MBTPS1: variants seen among roughly 807,000 people sequenced by gnomAD.
The protein encoded by MBTPS1 is membrane-bound transcription factor site-1 protease.
MBTPS1 carries 94 observed loss-of-function variants against 127.8 expected under a neutral mutation model. The observed-to-expected ratio is 0.74, with a 90% CI of 0.62 to 0.87. The LOEUF (loss-of-function observed/expected upper bound fraction) is 0.87. MBTPS1 is among the 40% of genes least tolerant of loss of function. The pLI is 0.00. For missense variants in MBTPS1, 1,636 were observed against 1,353.2 expected, an observed-to-expected ratio of 1.21 and a Z score of -3.28; for synonymous variants, 632 against 509.4, an observed-to-expected ratio of 1.24 and a Z score of -3.24.
At chr16:84,074,812 G>A (rs189931726) in intron 11 of MBTPS1, 71 bp from the exon 12 acceptor site, 19 of 1,410,346 alleles carry the variant, frequency 1.3e-5, no homozygotes, top group Non-Finnish European at 1.8e-5. Flanking sequence ...AACTGTACAA[G>A]ACAGAGTTAA....
chr16:84,077,725 C>T (rs939043619), intron 11 of MBTPS1, among the ~76,000 whole-genome samples: 3 of 152,156 alleles, frequency 2.0e-5, no homozygotes, highest in African/African-American at 7.2e-5. Context: ...ACAGAGGCAT[C>T]AGCTGAAGAG....
chr16:84,115,975 CT>C (rs1450433954), intron 1 of MBTPS1, among the ~76,000 whole-genome samples: 3 of 151,776 alleles, frequency 2.0e-5, no homozygotes, highest in Non-Finnish European at 4.4e-5. Context: ...AATTACTTCT[CT>C]TCTGCAAGCC....
At chr16:84,077,718 G>A (rs2085881754) in intron 11 of MBTPS1, among the ~76,000 whole-genome samples, 1 of 152,152 alleles carries the variant, frequency 6.6e-6, no homozygotes, top group African/African-American at 2.4e-5. Flanking sequence ...TCAAAATACA[G>A]AGGCATCAGC....
intron 12 of MBTPS1, among the ~76,000 whole-genome samples, chr16:84,072,931 C>G (rs2085793898): frequency 6.6e-6 from 1 of 152,200 alleles, no homozygotes; most frequent in Non-Finnish European, 1.5e-5. Flanking sequence ...TGTTCACACC[C>G]TCTGATTCAG....
intron 1 of MBTPS1, chr16:84,110,908 G>A (rs1183533436): frequency 6.6e-6 from 1 of 152,246 alleles, no homozygotes; most frequent in African/African-American, 2.4e-5. Context: ...ATTATGAGCA[G>A]GAAAAGCTGG....
intron 10 of MBTPS1, among the ~76,000 whole-genome samples, chr16:84,084,016 G>C (rs1014516243): frequency 1.3e-5 from 2 of 152,356 alleles, no homozygotes; most frequent in East Asian, 1.9e-4. Flanking sequence ...CTGGAGTGCA[G>C]TGGCACGATC....
At chr16:84,069,714 A>T (rs1256380979) in intron 14 of MBTPS1, 152 bp downstream of exon 14, 2 of 691,528 alleles carry the variant, frequency 2.9e-6, no homozygotes, top group Non-Finnish European at 2.4e-6. Context: ...AGGCTGCCCT[A>T]AGTGCATGGC....
intron 8 of MBTPS1, 127 bp downstream of exon 8, chr16:84,090,748 C>T (rs1034076959): frequency 4.0e-5 from 28 of 705,708 alleles, no homozygotes; most frequent in Middle Eastern, 2.5e-4. Flanking sequence ...ATGAGGAAAA[C>T]ATCCTTAAGA....
At chr16:84,074,826 A>G (rs925934934) in intron 11 of MBTPS1, 85 bp from the exon 12 acceptor site, 20 of 1,264,778 alleles carry the variant, frequency 1.6e-5, no homozygotes, top group Middle Eastern at 2.5e-4. Flanking sequence ...GAGTTAACAA[A>G]GCAGACCTAG....
In MBTPS1 at chr16:84,055,084, C is replaced by G. The variant is rs544301721; in HGVS notation, c.2963-439G>C. ...AAAGGGGGCGTGGCGGAAGAAGCACCGCTGGCAGTGCCCCGCCTCTGGGAA... is the reference window on the plus strand; with the variant it reads ...AAAGGGGGCGTGGCGGAAGAAGCACGGCTGGCAGTGCCCCGCCTCTGGGAA... On this transcript the variant is annotated intron_variant, in intron 22 of 22. Transcript: ENST00000343411. 2.9e-4 allele frequency among the ~76,000 whole-genome samples: 44 copies of G among 152,280 alleles called. 1 individual carries two copies. The South Asian group carries it at 8.9e-3, about 31-fold the overall frequency.
intron 21 of MBTPS1, chr16:84,057,423 G>GT (rs2085538594): frequency 6.6e-6 from 1 of 152,246 alleles, no homozygotes; most frequent in African/African-American, 2.4e-5. Flanking sequence ...AGCAGTCATG[G>GT]TAACAGTCCA....
At chr16:84,115,051 C>G (rs2086453269) in intron 1 of MBTPS1, among the ~76,000 whole-genome samples, 1 of 151,916 alleles carries the variant, frequency 6.6e-6, no homozygotes, top group Admixed American at 6.5e-5. Context: ...GCCTCAGCCT[C>G]CCGAGTAGCT....
At chr16:84,095,572 T>A in intron 4 of MBTPS1, 30 bp downstream of exon 4, 1 of 1,609,286 alleles carries the variant, frequency 6.2e-7, no homozygotes, top group Non-Finnish European at 8.5e-7. Flanking sequence ...GTATATCCCA[T>A]AAGCACCTTC....
At chr16:84,065,121 G>GTTT (rs35734457) in intron 18 of MBTPS1, among the ~76,000 whole-genome samples, 32 of 140,028 alleles carry the variant, frequency 2.3e-4, no homozygotes, top group Non-Finnish European at 2.8e-4. Flanking sequence ...CTTGAAGGTA[G>GTTT]TTTTTTTTTT....
chr16:84,089,018 C>A (rs2086067981), intron 8 of MBTPS1, among the ~76,000 whole-genome samples: 1 of 152,240 alleles, frequency 6.6e-6, no homozygotes, highest in South Asian at 2.1e-4. Context: ...TGCAACCACC[C>A]ACAAAAGCCA....
At chr16:84,091,330 AG>A (rs1387114811) in intron 7 of MBTPS1, among the ~76,000 whole-genome samples, 29 of 151,972 alleles carry the variant, frequency 1.9e-4, no homozygotes, top group African/African-American at 6.8e-4. Flanking sequence ...TACTAAAAAT[AG>A]CAAAATTAGC....
Position 84,095,802 on chromosome 16 carries a change from T to A in MBTPS1, c.425A>T (p.Asp142Val). 1 of 1,613,142 alleles carries A rather than the reference T, an allele frequency of 6.2e-7. No individual in the cohort carries two copies. Among genetic ancestry groups the A allele is most frequent in the Non-Finnish European group, 8.5e-7 (1 of 1,179,642 alleles). ...GGTTTCATTGCAGGGTACTGTGGGG[T>A]CAGCTACAGGCAAGGGAGAGAAAGA... ...VFRSLKYAES[D>V]PTVPCNETRW... Residue 142 changes from aspartate (D) to valine (V), a missense_variant, in exon 4 of 23, where the codon GAC becomes GTC. Asp to Val is a radical substitution (Grantham distance 152). Coordinates refer to ENST00000343411, the MANE Select transcript of MBTPS1 (RefSeq NM_003791.4).
chr16:84,096,997 G>A (rs532228783), intron 3 of MBTPS1, among the ~76,000 whole-genome samples: 14 of 152,240 alleles, frequency 9.2e-5, no homozygotes, highest in African/African-American at 3.1e-4. Flanking sequence ...AAATGATGAG[G>A]GGACTTGAAA....
At position 84,060,705 on chromosome 16, in the gene MBTPS1, G is replaced by C; in HGVS notation, c.2681C>G (p.Ser894Ter). The change falls in exon 20 of 23, where the codon TCA (serine) becomes TGA (stop). Residue 894 changes from serine to a stop codon, truncating the protein, a stop_gained. Coordinates refer to ENST00000343411, the MANE Select transcript of MBTPS1 (RefSeq NM_003791.4). LOFTEE classifies it high-confidence loss of function. ...ACCTTCCATCCTCTCTGGAGTGACTGAGCCTGCTCCACTGGGAGGGCGCTG... is the reference window on the plus strand; with the variant it reads ...ACCTTCCATCCTCTCTGGAGTGACTCAGCCTGCTCCACTGGGAGGGCGCTG... The part of the protein sequence containing the change: ...NRQRPPSGAG[S>*]VTPERMEGNH... The C allele has an allele frequency of 6.2e-7, 1 of 1,614,052 alleles. No homozygotes were observed. Among genetic ancestry groups the C allele is most frequent in the Non-Finnish European group, 8.5e-7 (1 of 1,179,956 alleles).
Sources: gnomAD v4.1 joint callset for allele counts (sites outside exome capture counted in the v4.1 genomes callset) on GRCh38, gnomAD v4.1.1 for gene constraint, MANE v1.5 for transcripts, NCBI Gene and HGNC (gene_info 2026-07-23, HGNC 2026-07-21) for gene names.